The following METTL15 variants were observed in gnomAD, a reference collection of about 807,000 sequenced individuals.
METTL15 encodes the protein methyltransferase 15, mitochondrial 12S rRNA N4-cytidine, also known as 12S rRNA N(4)-cytidine methyltransferase METTL15.
METTL15 carries 34 observed loss-of-function variants against 38.3 expected under a neutral mutation model. The observed-to-expected ratio is 0.89, with a 90% CI of 0.68 to 1.18. METTL15 has a LOEUF of 1.18. Among genes scored for constraint, METTL15 ranks in the 50% most tolerant of loss-of-function variants. The probability of loss-of-function intolerance (pLI) is 0.00; values close to 1 mark genes in which losing one functional copy is unlikely to be tolerated. For synonymous variants in METTL15, 162 were observed against 170.9 expected, an observed-to-expected ratio of 0.95 and a Z score of 0.41; for missense variants, 438 against 498.4, an observed-to-expected ratio of 0.88 and a Z score of 1.15.
intron 5 of METTL15, among the ~76,000 whole-genome samples, chr11:28,384,598 C>G (rs1309312584): frequency 6.6e-6 from 1 of 152,112 alleles, no homozygotes; most frequent in Non-Finnish European, 1.5e-5. Context: ...GCATGAGCCA[C>G]CACACCCAGC....
chr11:28,208,085 A>G (rs1852443889), intron 3 of METTL15, among the ~76,000 whole-genome samples: 1 of 152,072 alleles, frequency 6.6e-6, no homozygotes, highest in Admixed American at 6.6e-5. Context: ...AATTTTTTGA[A>G]GGGTTTTTTA....
At chr11:28,192,941 C>A (rs981016074) in intron 3 of METTL15, among the ~76,000 whole-genome samples, 1 of 152,120 alleles carries the variant, frequency 6.6e-6, no homozygotes, top group Middle Eastern at 3.4e-3. Flanking sequence ...TGTGTGTAGA[C>A]TTTTTCATAA....
intron 3 of METTL15, among the ~76,000 whole-genome samples, chr11:28,191,969 A>G (rs1156927151): frequency 2.0e-5 from 3 of 151,704 alleles, no homozygotes; most frequent in African/African-American, 7.3e-5. Flanking sequence ...TGGTATACTC[A>G]GTGTTTATAT....
At chr11:28,464,862 C>T (rs999941700) in intron 6 of METTL15, among the ~76,000 whole-genome samples, 3 of 152,164 alleles carry the variant, frequency 2.0e-5, no homozygotes, top group African/African-American at 7.2e-5. Flanking sequence ...AAGATAAGTG[C>T]TATATTTCCT....
intron 3 of METTL15, among the ~76,000 whole-genome samples, chr11:28,150,338 C>T (rs902796726): frequency 6.6e-6 from 1 of 151,776 alleles, no homozygotes; most frequent in Non-Finnish European, 1.5e-5. Context: ...CTTCTTGTTA[C>T]TGTCTACTTA....
At chr11:28,464,460 T>G (rs1851240779) in intron 6 of METTL15, among the ~76,000 whole-genome samples, 1 of 152,148 alleles carries the variant, frequency 6.6e-6, no homozygotes, top group Admixed American at 6.5e-5. Flanking sequence ...TCCAGTAAAA[T>G]GTGATTTAGA....
chr11:28,162,368 C>G (rs1850497062), intron 3 of METTL15, among the ~76,000 whole-genome samples: 1 of 152,064 alleles, frequency 6.6e-6, no homozygotes, highest in Non-Finnish European at 1.5e-5. Flanking sequence ...GGTTTCAGAG[C>G]AGTTTAGAAA....
intron 4 of METTL15, among the ~76,000 whole-genome samples, chr11:28,243,031 T>C (rs2133908270): frequency 6.6e-6 from 1 of 151,418 alleles, no homozygotes; most frequent in Non-Finnish European, 1.5e-5. Flanking sequence ...TCCTTAATAA[T>C]GAGAGACCTT....
chr11:28,520,133 A>G (rs1564954951), intron 6 of METTL15, among the ~76,000 whole-genome samples: 2 of 152,108 alleles, frequency 1.3e-5, no homozygotes, highest in Non-Finnish European at 2.9e-5. Context: ...TGAGCCCAGG[A>G]ATTAATGACC....
intron 6 of METTL15, among the ~76,000 whole-genome samples, chr11:28,486,894 G>T (rs952909903): frequency 6.6e-6 from 1 of 152,148 alleles, no homozygotes; most frequent in Non-Finnish European, 1.5e-5. Flanking sequence ...GGTGAGGTCA[G>T]CCATGGCCAC....
At chr11:28,372,487 T>C (rs1269802462) in intron 5 of METTL15, among the ~76,000 whole-genome samples, 2 of 143,706 alleles carry the variant, frequency 1.4e-5, no homozygotes, top group Non-Finnish European at 3.0e-5. Flanking sequence ...CAATACATGT[T>C]AAACCAGTGA....
At chr11:28,364,065 G>A (rs1309252370) in intron 5 of METTL15, among the ~76,000 whole-genome samples, 1 of 152,128 alleles carries the variant, frequency 6.6e-6, no homozygotes, top group Non-Finnish European at 1.5e-5. Flanking sequence ...TTAATACCAT[G>A]CTGTTTTGAT....
intron 6 of METTL15, among the ~76,000 whole-genome samples, chr11:28,494,694 C>A (rs1042738422): frequency 6.6e-6 from 1 of 152,154 alleles, no homozygotes; most frequent in African/African-American, 2.4e-5. Flanking sequence ...CTTTCCTGTT[C>A]TGTTCTCATG....
intron 4 of METTL15, among the ~76,000 whole-genome samples, chr11:28,214,119 T>G (rs1246461365): frequency 6.6e-6 from 1 of 152,106 alleles, no homozygotes; most frequent in Non-Finnish European, 1.5e-5. Flanking sequence ...CATAGCTTAC[T>G]GCAGCCTCTG....
At chr11:28,262,134 T>A (rs747816461) in intron 4 of METTL15, among the ~76,000 whole-genome samples, 1 of 152,136 alleles carries the variant, frequency 6.6e-6, no homozygotes, top group Admixed American at 6.6e-5. Context: ...AGTGGATTTG[T>A]TAATTTTTGT....
At chr11:28,161,551 A>C (rs950575330) in intron 3 of METTL15, among the ~76,000 whole-genome samples, 1 of 152,194 alleles carries the variant, frequency 6.6e-6, no homozygotes. Flanking sequence ...AGCAAAAGGG[A>C]AATAATTTTA....
chr11:28,170,758 G>A (rs971241835), intron 3 of METTL15, among the ~76,000 whole-genome samples: 1 of 152,106 alleles, frequency 6.6e-6, no homozygotes, highest in African/African-American at 2.4e-5. Context: ...GAGCAGTGAG[G>A]AGGACCAGAG....
intron 6 of METTL15, among the ~76,000 whole-genome samples, chr11:28,509,781 G>A (rs1156575260): frequency 3.3e-5 from 5 of 152,190 alleles, no homozygotes; most frequent in African/African-American, 1.2e-4. Flanking sequence ...GTCTAAGCAT[G>A]CTAAGGGAGA....
At chr11:28,236,107 A>C (rs1262800329) in intron 4 of METTL15, among the ~76,000 whole-genome samples, 2 of 152,168 alleles carry the variant, frequency 1.3e-5, no homozygotes, top group African/African-American at 2.4e-5. Flanking sequence ...GCTGGATTAC[A>C]TTTATTGATT....
Sources: allele counts gnomAD v4.1 joint callset (sites outside exome capture counted in the v4.1 genomes callset), GRCh38; gene constraint gnomAD v4.1.1; transcripts MANE v1.5; gene names NCBI Gene and HGNC (gene_info 2026-07-23, HGNC 2026-07-21).